Variants in SYTL3 observed in about 807,000 individuals in gnomAD.
The protein encoded by SYTL3 is synaptotagmin like 3.
In SYTL3, 88 loss-of-function variants were observed where a neutral mutation model predicts 82.1. The ratio of observed to expected loss-of-function variants is 1.07; its 90% confidence interval spans 0.90 to 1.28. The LOEUF (loss-of-function observed/expected upper bound fraction) is 1.28, where lower values mean the gene tolerates loss of function less well. Ranked by LOEUF, SYTL3 falls within the 50% of genes most tolerant of loss-of-function variation. The pLI is 0.00. For synonymous variants in SYTL3, 311 were observed against 289.4 expected, an observed-to-expected ratio of 1.07 and a Z score of -0.76; for missense variants, 831 against 757.6, an observed-to-expected ratio of 1.10 and a Z score of -1.14.
At chr6:158,711,537 T>G (rs888085671) in intron 8 of SYTL3, among the ~76,000 whole-genome samples, 3 of 152,112 alleles carry the variant, frequency 2.0e-5, no homozygotes, top group Admixed American at 6.5e-5. Context: ...GCTGATGGTG[T>G]TGTTACAGGA....
chr6:158,740,798 T>G (rs1366275304), intron 11 of SYTL3, among the ~76,000 whole-genome samples: 1 of 152,202 alleles, frequency 6.6e-6, no homozygotes, highest in Non-Finnish European at 1.5e-5. Context: ...AATTATAACT[T>G]GGCTCAAACA....
intron 6 of SYTL3, among the ~76,000 whole-genome samples, chr6:158,693,705 C>A (rs1176224656): frequency 1.4e-5 from 2 of 144,024 alleles, no homozygotes; most frequent in East Asian, 3.9e-4. Flanking sequence ...CGTTTTCTTT[C>A]TTTCTTTCTT....
Position 158,760,739 on chromosome 6 carries a change from CAAG to C in SYTL3, c.1412_1414del (p.Glu471del), listed in dbSNP as rs1789802631. 4 of 1,613,438 alleles carry C rather than the reference CAAG, an allele frequency of 2.5e-6. No homozygotes were observed. In the South Asian group the frequency reaches 3.3e-5, roughly 13 times the overall value. ...ACGGCCCAGAAAACTCCAAGAGGCTCAAGAAGGTCAGTGGCCTCCAGCTCCCTG... is the reference window on the plus strand; with the variant it reads ...ACGGCCCAGAAAACTCCAAGAGGCTCAAGGTCAGTGGCCTCCAGCTCCCTG... On this transcript the variant is annotated inframe_deletion, in exon 15 of 18. Transcript: ENST00000611299.
At chr6:158,718,025 C>T (rs1290500169) in intron 9 of SYTL3, 62 bp from the exon 10 acceptor site, 2 of 1,433,026 alleles carry the variant, frequency 1.4e-6, no homozygotes, top group African/African-American at 2.9e-5. Context: ...CCAGAAGAGG[C>T]TCCCACAAGT....
chr6:158,743,167 T>C (rs542009189), intron 11 of SYTL3, among the ~76,000 whole-genome samples: 1 of 152,302 alleles, frequency 6.6e-6, no homozygotes, highest in East Asian at 1.9e-4. Flanking sequence ...AGTGATTCAA[T>C]GTGCTCCTGA....
intron 5 of SYTL3, among the ~76,000 whole-genome samples, chr6:158,672,242 G>C (rs1466554309): frequency 6.6e-6 from 1 of 152,174 alleles, no homozygotes; most frequent in African/African-American, 2.4e-5. Flanking sequence ...AGTGAGCCGA[G>C]ATTGCACTAC....
chr6:158,649,460 G>A (rs896273610), upstream of SYTL3, among the ~76,000 whole-genome samples: 1 of 152,242 alleles, frequency 6.6e-6, no homozygotes, highest in Non-Finnish European at 1.5e-5. Flanking sequence ...TACGTGGCAC[G>A]TGGCACCTTT....
At position 158,663,016 on chromosome 6, in the gene SYTL3, C is replaced by T. The variant is rs933038396; in HGVS notation, c.-253C>T. On this transcript the variant is annotated 5_prime_UTR_variant, in exon 4 of 18. Transcript: ENST00000611299. ...TGCAGAACCCGGTGAAAACACCCCC[C>T]GGGTAGCACGAGGCTCTGCGAGCCG... 5.7e-5 allele frequency: 21 copies of T among 371,332 alleles called. No individual in the cohort carries two copies. Among genetic ancestry groups the T allele is most frequent in the South Asian group, 2.1e-4 (4 of 19,510 alleles). 23.0% of individuals were successfully genotyped at this position (371,332 alleles called of 1,614,324 possible).
intron 12 of SYTL3, among the ~76,000 whole-genome samples, chr6:158,746,838 G>A (rs1198870359): frequency 6.8e-6 from 1 of 147,792 alleles, no homozygotes; most frequent in Non-Finnish European, 1.5e-5. Flanking sequence ...AAAAAAAATA[G>A]AGACAGGGTC....
chr6:158,741,642 A>G (rs1040523592), intron 11 of SYTL3, among the ~76,000 whole-genome samples: 11 of 152,144 alleles, frequency 7.2e-5, no homozygotes, highest in Admixed American at 4.6e-4. Context: ...TCTCAGTCCA[A>G]CCACTAAGCT....
chr6:158,709,236 AT>A (rs1390469817), intron 8 of SYTL3, among the ~76,000 whole-genome samples: 1 of 152,186 alleles, frequency 6.6e-6, no homozygotes, highest in African/African-American at 2.4e-5. Context: ...CTCAAAAAAA[AT>A]AAATTGTATT....
At chr6:158,750,560 C>T (rs1453272786) in intron 12 of SYTL3, among the ~76,000 whole-genome samples, 1 of 152,174 alleles carries the variant, frequency 6.6e-6, no homozygotes, top group Non-Finnish European at 1.5e-5. Flanking sequence ...GCTTTGCCGT[C>T]TAGGCTGGAA....
At chr6:158,711,396 T>A (rs991924579) in intron 8 of SYTL3, among the ~76,000 whole-genome samples, 1 of 151,650 alleles carries the variant, frequency 6.6e-6, no homozygotes, top group Non-Finnish European at 1.5e-5. Flanking sequence ...ATGAGAGGAG[T>A]CTTACTAGGG....
intron 5 of SYTL3, among the ~76,000 whole-genome samples, chr6:158,668,226 T>TTTTATTTA (rs71030189): frequency 6.9e-4 from 104 of 150,880 alleles, no homozygotes; most frequent in Middle Eastern, 3.4e-3. Flanking sequence ...GGGCAGAGTC[T>TTTTATTTA]TTTATTTATT....
At position 158,705,473 on chromosome 6, in the gene SYTL3, T is replaced by C. The variant is rs553543910; in HGVS notation, c.395-1757T>C. 2.4e-3 allele frequency among the ~76,000 whole-genome samples: 197 copies of C among 83,346 alleles called. 1 individual carries two copies. The highest frequency in any genetic ancestry group is 8.3e-3 in the African/African-American group (178 of 21,522). 54.7% of individuals were successfully genotyped at this position (83,346 alleles called of 152,430 possible). ...AAGGTCACATAGGGCAGGAGGGACCTGGGGACAGGGTGACAGGGCTATAAG... is the reference window on the plus strand; with the variant it reads ...AAGGTCACATAGGGCAGGAGGGACCCGGGGACAGGGTGACAGGGCTATAAG... On this transcript the variant is annotated intron_variant, in intron 6 of 17. Transcript: ENST00000611299.
intron 14 of SYTL3, among the ~76,000 whole-genome samples, chr6:158,758,674 C>G (rs918091146): frequency 1.3e-5 from 2 of 152,178 alleles, no homozygotes; most frequent in South Asian, 2.1e-4. Context: ...AATGCCCACT[C>G]TCCCACTGCC....
In SYTL3 at chr6:158,665,556, G is replaced by A. The variant is rs1459496745; in HGVS notation, c.272G>A (p.Cys91Tyr). The stretch of plus-strand genomic sequence containing the variant: ...TGCAGCCACCGCGTGTGTGCCCAGT[G>A]CCGAGTGTTCCTGAGGGGGACCCAT... ...RGCSHRVCAQ[C>Y]RVFLRGTHAW... Residue 91 changes from cysteine (C) to tyrosine (Y), a missense_variant, in exon 5 of 18, where the codon TGC (cysteine) becomes TAC (tyrosine). Coordinates refer to ENST00000611299, the MANE Select transcript of SYTL3 (RefSeq NM_001242394.2). 1 of 1,583,648 alleles carries A rather than the reference G, an allele frequency of 6.3e-7. No homozygotes were observed. The highest frequency in any genetic ancestry group is 2.3e-5 in the East Asian group (1 of 43,850).
At chr6:158,674,220 C>G (rs1033760227) in intron 5 of SYTL3, among the ~76,000 whole-genome samples, 6 of 152,092 alleles carry the variant, frequency 3.9e-5, no homozygotes, top group African/African-American at 1.4e-4. Flanking sequence ...CTCACAGATT[C>G]AACTTTCTAG....
At chr6:158,734,094 C>CAAAAAAAAAA (rs560547617) in intron 11 of SYTL3, among the ~76,000 whole-genome samples, 15 of 74,524 alleles carry the variant, frequency 2.0e-4, no homozygotes, top group African/African-American at 7.7e-4. Flanking sequence ...GACCCTGTCT[C>CAAAAAAAAAA]AAAAAAAAAA....
Sources: allele counts gnomAD v4.1 joint callset (sites outside exome capture counted in the v4.1 genomes callset), GRCh38; gene constraint gnomAD v4.1.1; transcripts MANE v1.5; gene names NCBI Gene and HGNC (gene_info 2026-07-23, HGNC 2026-07-21).